Variants in ANKRD28 observed in about 807,000 individuals in gnomAD.
The protein encoded by ANKRD28 is serine/threonine-protein phosphatase 6 regulatory ankyrin repeat subunit A.
A neutral mutation model predicts 126.5 loss-of-function variants in ANKRD28; 44 were observed. That is an observed-to-expected ratio of 0.35 (90% CI 0.27 to 0.45). ANKRD28 has a LOEUF of 0.45. Ranked by LOEUF, ANKRD28 falls within the 20% of genes least tolerant of loss-of-function variation. The pLI is 1.00. For synonymous variants in ANKRD28, 442 were observed against 468.5 expected, an observed-to-expected ratio of 0.94 and a Z score of 0.73; for missense variants, 1,110 against 1,316.6, an observed-to-expected ratio of 0.84 and a Z score of 2.43.
chr3:15,758,982 G>C (rs2058315889), intron 3 of ANKRD28, among the ~76,000 whole-genome samples: 1 of 152,196 alleles, frequency 6.6e-6, no homozygotes, highest in Admixed American at 6.5e-5. Flanking sequence ...GGCAGTCTAA[G>C]GTCTGAGGTA....
At chr3:15,859,774 C>A, upstream of ANKRD28, 1 of 152,774 alleles carries the variant, frequency 6.5e-6, no homozygotes, top group South Asian at 1.8e-4. Flanking sequence ...GCGGCCGCGC[C>A]GTTCCAGCCC....
At chr3:15,801,914 G>A (rs115240657), upstream of ANKRD28, among the ~76,000 whole-genome samples, 174 of 152,312 alleles carry the variant, frequency 1.1e-3, no homozygotes, top group African/African-American at 4.0e-3. This position sits in a 1 kb window ranked among gnomAD's most constrained non-coding sequence, Gnocchi z 4.9. Flanking sequence ...CTCAAGTGGT[G>A]TGATCCCACT....
intron 27 of ANKRD28, among the ~76,000 whole-genome samples, chr3:15,674,775 A>C (rs1171747984): frequency 1.3e-5 from 2 of 152,226 alleles, no homozygotes; most frequent in Non-Finnish European, 2.9e-5. Context: ...AGGAAAACCA[A>C]GGAAGAGTGG....
intron 1 of ANKRD28, among the ~76,000 whole-genome samples, chr3:15,850,224 TAGAGAGAGAGAG>T (rs375278547): frequency 6.6e-4 from 23 of 35,114 alleles, no homozygotes; most frequent in East Asian, 3.0e-3. Context: ...TATATATATA[TAGAGAGAGAGAG>T]AGAGAGAGAG....
At chr3:15,781,501 T>G (rs559281217) in intron 2 of ANKRD28, 1 of 152,262 alleles carries the variant, frequency 6.6e-6, no homozygotes, top group Non-Finnish European at 1.5e-5. Flanking sequence ...TACATTGTAC[T>G]CTACAAATAT....
chr3:15,809,596 A>C (rs1488204504), intron 1 of ANKRD28, among the ~76,000 whole-genome samples: 1 of 152,182 alleles, frequency 6.6e-6, no homozygotes, highest in Non-Finnish European at 1.5e-5. Flanking sequence ...AAAACTGCTC[A>C]TAGGAGGAAT....
chr3:15,827,255 C>T (rs555044743), intron 1 of ANKRD28, among the ~76,000 whole-genome samples: 1 of 152,214 alleles, frequency 6.6e-6, no homozygotes, highest in South Asian at 2.1e-4. Flanking sequence ...ATCCAGTAAT[C>T]CCACTACAGG....
intron 2 of ANKRD28, among the ~76,000 whole-genome samples, chr3:15,771,336 G>A (rs1422950722): frequency 6.6e-6 from 1 of 151,514 alleles, no homozygotes; most frequent in East Asian, 1.9e-4. Context: ...CTTGAACCTG[G>A]GAGGTGGAGG....
At chr3:15,679,268 C>T in intron 23 of ANKRD28, 33 bp downstream of exon 23, 1 of 1,601,066 alleles carries the variant, frequency 6.2e-7, no homozygotes, top group Non-Finnish European at 8.6e-7. Context: ...CTGTGCCTGG[C>T]TAAAACTATT....
intron 21 of ANKRD28, among the ~76,000 whole-genome samples, chr3:15,682,835 C>T (rs1167232514): frequency 6.6e-6 from 1 of 152,174 alleles, no homozygotes; most frequent in African/African-American, 2.4e-5. Context: ...TATATAGTCG[C>T]TTATTGCATA....
intron 3 of ANKRD28, among the ~76,000 whole-genome samples, chr3:15,762,343 C>A (rs979167945): frequency 1.3e-5 from 2 of 152,016 alleles, no homozygotes; most frequent in Non-Finnish European, 2.9e-5. Flanking sequence ...CTGATTACTA[C>A]CTATCTTTTT....
chr3:15,723,430 T>C (rs1193281793), intron 7 of ANKRD28, among the ~76,000 whole-genome samples: 1 of 152,242 alleles, frequency 6.6e-6, no homozygotes, highest in African/African-American at 2.4e-5. Context: ...AAAGAACCAA[T>C]GAGTTCTTCA....
At chr3:15,747,607 G>C (rs1334351914) in intron 4 of ANKRD28, among the ~76,000 whole-genome samples, 2 of 152,094 alleles carry the variant, frequency 1.3e-5, no homozygotes, top group Non-Finnish European at 2.9e-5. Flanking sequence ...TTGTTGTGTG[G>C]CCTATCATAT....
chr3:15,826,147 A>G (rs1288487270), intron 1 of ANKRD28, among the ~76,000 whole-genome samples: 1 of 152,220 alleles, frequency 6.6e-6, no homozygotes, highest in Non-Finnish European at 1.5e-5. Flanking sequence ...CTACATCACT[A>G]TTTGTAATAA....
At chr3:15,761,583 T>C (rs966979675) in intron 3 of ANKRD28, among the ~76,000 whole-genome samples, 5 of 152,212 alleles carry the variant, frequency 3.3e-5, no homozygotes, top group Non-Finnish European at 2.9e-5. Context: ...TACAGAACCT[T>C]ATGAGTCTAT....
rs1384999941 is a variant in ANKRD28 at position 15,850,258 on chromosome 3, G to GAGAGAGAGAGAGAA, written c.27+9118_27+9119insTTCTCTCTCTCTCT. 7.1e-3 allele frequency among the ~76,000 whole-genome samples: 900 copies of GAGAGAGAGAGAGAA among 126,786 alleles called. 32 individuals are homozygous for GAGAGAGAGAGAGAA. Among genetic ancestry groups the GAGAGAGAGAGAGAA allele is most frequent in the East Asian group, 0.06 (186 of 3,112 alleles). 83.2% of individuals were successfully genotyped at this position (126,786 alleles called of 152,430 possible). On this transcript the variant is annotated intron_variant, in intron 1 of 27. Transcript: ENST00000399451. The stretch of plus-strand genomic sequence containing the variant: ...AGAGAGAGAGAGAGAGAGAGAGAGA[G>GAGAGAGAGAGAGAA]AGAGAAAGTTGAAATCCTACCTCAT...
chr3:15,678,420 T>C, intron 23 of ANKRD28, 66 bp from the exon 24 acceptor site: 1 of 1,464,640 alleles, frequency 6.8e-7, no homozygotes, highest in Non-Finnish European at 9.2e-7. Flanking sequence ...AAAAATATTC[T>C]TTAATTTGTG....
intron 2 of ANKRD28, among the ~76,000 whole-genome samples, chr3:15,769,984 A>G (rs1363506320): frequency 6.6e-6 from 1 of 151,868 alleles, no homozygotes; most frequent in African/African-American, 2.4e-5. Context: ...GGAAGAGTAC[A>G]CTGAACACCT....
chr3:15,735,916 G>A (rs564739422), intron 5 of ANKRD28, among the ~76,000 whole-genome samples: 2 of 152,300 alleles, frequency 1.3e-5, no homozygotes, highest in South Asian at 2.1e-4. Context: ...CTGAAGGTCA[G>A]TCACTGCATA....
Sources: allele counts gnomAD v4.1 joint callset (sites outside exome capture counted in the v4.1 genomes callset), GRCh38; gene constraint gnomAD v4.1.1; non-coding constraint Gnocchi (gnomAD v3.1); transcripts MANE v1.5; gene names NCBI Gene and HGNC (gene_info 2026-07-23, HGNC 2026-07-21).